Variants in SLC10A2 observed in about 807,000 individuals in gnomAD.
SLC10A2 encodes the protein ileal sodium/bile acid cotransporter.
In SLC10A2, 34 loss-of-function variants were observed where a neutral mutation model predicts 27.1. The observed-to-expected ratio is 1.26, with a 90% CI of 0.96 to 1.67. SLC10A2 has a LOEUF of 1.67. Ranked by LOEUF, SLC10A2 falls within the 40% of genes most tolerant of loss-of-function variation. The pLI, the probability that SLC10A2 is intolerant of heterozygous loss-of-function variation, is 0.00. For missense variants in SLC10A2, 530 were observed against 444.4 expected (o/e 1.19, Z -1.73); for synonymous variants, 205 against 174.0 (o/e 1.18, Z -1.40).
intron 2 of SLC10A2, among the ~76,000 whole-genome samples, chr13:103,054,632 C>T (rs545775299): frequency 2.0e-5 from 3 of 152,262 alleles, no homozygotes; most frequent in Admixed American, 6.5e-5. Context: ...GCAGCCCAAG[C>T]CAACGGGATA....
At chr13:103,051,204 T>C in intron 4 of SLC10A2, 53 bp downstream of exon 4, 1 of 1,577,216 alleles carries the variant, frequency 6.3e-7, no homozygotes, top group Non-Finnish European at 8.7e-7. Context: ...AGCAAAGGAA[T>C]ACAACAGATA....
rs157381 is a variant in SLC10A2 at position 103,058,334 on chromosome 13, C to A, written c.426G>T (p.Pro142=). 1.4e-5 allele frequency: 23 copies of A among 1,613,842 alleles called. No homozygotes were observed. The highest frequency in any genetic ancestry group is 1.7e-4 in the Middle Eastern group (1 of 6,056). ...TTTTGGTATAGATAAGGAGGCACAG[C>A]GGCATCATTCCGAGGGCAAGCAGTG... ...CSTLLALGMM[P]LCLLIYTKMW... is the part of the protein sequence containing the mutation. Residue 142 remains proline, a synonymous_variant, in exon 2 of 6, where the codon CCG becomes CCT. Transcript: ENST00000245312.
intron 1 of SLC10A2, among the ~76,000 whole-genome samples, chr13:103,064,110 T>C (rs1259289658): frequency 2.0e-5 from 3 of 152,206 alleles, no homozygotes; most frequent in African/African-American, 7.2e-5. Context: ...GTGTCTTTTA[T>C]TGGGTCTTGT....
intron 2 of SLC10A2, 151 bp from the exon 3 acceptor site, chr13:103,052,859 CAT>C (rs989614246): frequency 1.5e-5 from 10 of 674,752 alleles, no homozygotes; most frequent in Non-Finnish European, 2.2e-5. Context: ...CACACACACA[CAT>C]GCACACACAC....
rs139050474 is a variant in SLC10A2, at chr13:103,045,642, T to C, written c.*491A>G. On this transcript the variant is annotated 3_prime_UTR_variant, in exon 6 of 6. Transcript: ENST00000245312. ...TATATAGGTTGCAAAGCTTTTAAAA[T>C]AATGATTAAAATGTCAGTGAAAGAT... 6.5e-6 allele frequency: 1 copy of C among 153,290 alleles called. No individual in the cohort carries two copies. The highest frequency in any genetic ancestry group is 1.9e-4 in the East Asian group (1 of 5,226). The allele number at this position is 153,290 out of a possible 1,614,324, so 9.5% of individuals were successfully genotyped here. A position where few individuals can be genotyped will look rare whatever the true frequency, so the allele number is the denominator to read the frequency against.
At chr13:103,061,219 A>G (rs1436191415) in intron 1 of SLC10A2, among the ~76,000 whole-genome samples, 1 of 152,214 alleles carries the variant, frequency 6.6e-6, no homozygotes, top group Admixed American at 6.5e-5. Flanking sequence ...AGAATTGTAC[A>G]CCAGACAAAC....
Position 103,049,417 on chromosome 13 carries a change from AT to A in SLC10A2, c.790del (p.Met264CysfsTer42). On this transcript the variant is annotated frameshift_variant, in exon 5 of 6. Transcript: ENST00000245312. LOFTEE classifies it high-confidence loss of function. Reference sequence around the variant, plus strand: ...GGTGGAACATAGCTGCGTGTTCTGCATCCCCGTTTCAAAAGCAACCGTTCGG... The same window carrying A: ...GGTGGAACATAGCTGCGTGTTCTGCACCCCGTTTCAAAAGCAACCGTTCGG... Reference protein sequence around the residue: ...RCRTVAFETGMQNTQLCSTIV... With the variant: ...RCRTVAFETGXQNTQLCSTIV... The A allele has an allele frequency of 6.2e-7, 1 of 1,614,098 alleles. No homozygotes were observed. Among genetic ancestry groups the A allele is most frequent in the South Asian group, 1.1e-5 (1 of 91,080 alleles).
chr13:103,057,801 C>A (rs970091323), intron 2 of SLC10A2, among the ~76,000 whole-genome samples: 1 of 151,938 alleles, frequency 6.6e-6, no homozygotes, highest in Non-Finnish European at 1.5e-5. Context: ...ATTGCTTGAA[C>A]CCAGGGGGTG....
chr13:103,052,514 C>T (rs1875814819), intron 3 of SLC10A2, 106 bp downstream of exon 3: 1 of 841,182 alleles, frequency 1.2e-6, no homozygotes, highest in Non-Finnish European at 2.1e-6. Flanking sequence ...CAGGCCCCCA[C>T]TCAACAGTAA....
At chr13:103,055,068 C>T (rs1875902690) in intron 2 of SLC10A2, among the ~76,000 whole-genome samples, 1 of 152,092 alleles carries the variant, frequency 6.6e-6, no homozygotes, top group Admixed American at 6.6e-5. Context: ...TGTGGTGGGA[C>T]TGGGAGCCAG....
rs938408440 is a variant in SLC10A2 at position 103,046,238 on chromosome 13, A to G, written c.942T>C (p.Cys314=). Residue 314 remains cysteine (C), a synonymous_variant, in exon 6 of 6, where the codon TGT becomes TGC. Transcript: ENST00000245312. ...GAATTTCTGCCTTGTTTTTTCCATG[A>G]CATTTCTTGTATGCCACATAAACTA... The part of the protein sequence containing the change: ...FLGFYVAYKK[C]HGKNKAEIPE... 1 of 1,612,894 alleles carries G rather than the reference A, an allele frequency of 6.2e-7. No individual in the cohort carries two copies. Among genetic ancestry groups the G allele is most frequent in the African/African-American group, 1.3e-5 (1 of 74,888 alleles).
rs201461541 is a variant in SLC10A2 at position 103,049,352 on chromosome 13, C to T, written c.856G>A (p.Val286Ile). The T allele has an allele frequency of 3.5e-5, 57 of 1,613,714 alleles. No individual in the cohort carries two copies. Among genetic ancestry groups the T allele is most frequent in the Admixed American group, 1.5e-4 (9 of 59,974 alleles). ...LSFTPEELNVVFTFPLIYSIF... is the reference protein window; with the variant it reads ...LSFTPEELNVIFTFPLIYSIF... ...CTGTAGATGAGCGGGAAGGTGAATA[C>T]GACATTGAGCTCCTCAGGAGTGAAG... Residue 286 changes from valine (V) to isoleucine (I), a missense_variant, in exon 5 of 6, where the codon GTA (valine) becomes ATA (isoleucine). Physicochemically the swap from Val to Ile is conservative, Grantham distance 29. Transcript: ENST00000245312.
At chr13:103,058,432 A>T (rs769109206) in intron 1 of SLC10A2, 50 bp from the exon 2 acceptor site, 2 of 1,081,418 alleles carry the variant, frequency 1.8e-6, no homozygotes, top group Non-Finnish European at 2.9e-6. Flanking sequence ...GTTCTAGGGA[A>T]GATGCTGTTT....
intron 2 of SLC10A2, among the ~76,000 whole-genome samples, chr13:103,053,960 C>G (rs1201356088): frequency 6.6e-6 from 1 of 151,978 alleles, no homozygotes; most frequent in Admixed American, 6.6e-5. Flanking sequence ...AGAAAAACCC[C>G]CCTTGGGTAT....
At chr13:103,054,543 T>C (rs1366707580) in intron 2 of SLC10A2, among the ~76,000 whole-genome samples, 2 of 152,120 alleles carry the variant, frequency 1.3e-5, no homozygotes, top group East Asian at 3.9e-4. Context: ...GGAATGTTAG[T>C]GTGGTTAGGT....
chr13:103,064,155 G>A (rs979751755), intron 1 of SLC10A2, among the ~76,000 whole-genome samples: 2 of 152,120 alleles, frequency 1.3e-5, no homozygotes, highest in East Asian at 1.9e-4. Flanking sequence ...TCCATGTTGC[G>A]TTACAGGGCT....
intron 2 of SLC10A2, among the ~76,000 whole-genome samples, chr13:103,057,270 T>A (rs186154953): frequency 1.3e-5 from 2 of 152,340 alleles, no homozygotes; most frequent in Non-Finnish European, 2.9e-5. Flanking sequence ...GGGAAATGCC[T>A]ATTCCTGGTA....
chr13:103,049,870 G>T (rs1268777266), intron 4 of SLC10A2, among the ~76,000 whole-genome samples: 1 of 152,146 alleles, frequency 6.6e-6, no homozygotes, highest in African/African-American at 2.4e-5. Flanking sequence ...GGCTAAACAG[G>T]TGGCTCACAC....
chr13:103,055,644 T>A (rs1390680594), intron 2 of SLC10A2, among the ~76,000 whole-genome samples: 1 of 152,174 alleles, frequency 6.6e-6, no homozygotes, highest in Non-Finnish European at 1.5e-5. Flanking sequence ...CTGTAGAAAG[T>A]AAAAAGTTTC....
Sources: gnomAD v4.1 joint callset for allele counts (sites outside exome capture counted in the v4.1 genomes callset) on GRCh38, gnomAD v4.1.1 for gene constraint, MANE v1.5 for transcripts, NCBI Gene and HGNC (gene_info 2026-07-23, HGNC 2026-07-21) for gene names.